The following DNAI4 variants were observed in gnomAD, a reference collection of about 807,000 sequenced individuals.
DNAI4 encodes dynein axonemal intermediate chain 4.
In DNAI4, 85 loss-of-function variants were observed where a neutral mutation model predicts 105.8. That is an observed-to-expected ratio of 0.80 (90% CI 0.67 to 0.96). The LOEUF (loss-of-function observed/expected upper bound fraction) is 0.96. Among genes scored for constraint, DNAI4 ranks in the 40% least tolerant of loss-of-function variants. The pLI, the probability that DNAI4 is intolerant of heterozygous loss-of-function variation, is 0.00. For synonymous variants in DNAI4, 352 were observed against 331.5 expected (o/e 1.06, Z -0.67); for missense variants, 1,014 against 1,005.6 (o/e 1.01, Z -0.11).
At chr1:66,918,181 G>C (rs1474525009) in intron 1 of DNAI4, among the ~76,000 whole-genome samples, 2 of 152,172 alleles carry the variant, frequency 1.3e-5, no homozygotes, top group Non-Finnish European at 2.9e-5. Flanking sequence ...GCATTGTATA[G>C]AAATAATTAG....
intron 7 of DNAI4, among the ~76,000 whole-genome samples, chr1:66,855,573 A>G (rs1646483543): frequency 6.6e-6 from 1 of 152,238 alleles, no homozygotes; most frequent in African/African-American, 2.4e-5. Flanking sequence ...ATATTTAATT[A>G]CAGGTGAAGC....
chr1:66,862,090 T>G (rs1278400300), intron 7 of DNAI4, 57 bp downstream of exon 7: 1 of 1,482,724 alleles, frequency 6.7e-7, no homozygotes, highest in Non-Finnish European at 9.0e-7. Context: ...AAAAAAGAAT[T>G]TATTAAAAAT....
intron 2 of DNAI4, among the ~76,000 whole-genome samples, chr1:66,904,207 C>T (rs1483253457): frequency 6.6e-6 from 1 of 151,892 alleles, no homozygotes; most frequent in Non-Finnish European, 1.5e-5. Context: ...TTTATATAAA[C>T]TTATGCTTTC....
At chr1:66,905,434 C>A in intron 1 of DNAI4, 59 bp from the exon 2 acceptor site, 1 of 1,187,358 alleles carries the variant, frequency 8.4e-7, no homozygotes. Context: ...AAAAATCAAC[C>A]AACAATAAAA....
chr1:66,888,695 A>G (rs567587534), intron 4 of DNAI4, among the ~76,000 whole-genome samples: 10 of 152,270 alleles, frequency 6.6e-5, no homozygotes, highest in African/African-American at 2.4e-4. Context: ...TCCGTCTAAA[A>G]AACAAAACAA....
intron 4 of DNAI4, among the ~76,000 whole-genome samples, chr1:66,880,774 A>G (rs1190640795): frequency 6.6e-6 from 1 of 152,204 alleles, no homozygotes; most frequent in African/African-American, 2.4e-5. Flanking sequence ...AAGTAATGAG[A>G]AGCCAAATAT....
chr1:66,892,950 G>GAAGAAAAGAAAGA (rs1281447849), intron 3 of DNAI4, among the ~76,000 whole-genome samples: 2 of 91,920 alleles, frequency 2.2e-5, no homozygotes, highest in African/African-American at 9.8e-5. Context: ...AGAAGAAAGA[G>GAAGAAAAGAAAGA]AAGAAAGAAA....
In DNAI4 at chr1:66,867,648, G is replaced by A. The variant is rs998961362; in HGVS notation, c.940+3722C>T. On this transcript the variant is annotated intron_variant, in intron 6 of 16. Transcript: ENST00000371026. ...TAGGAGCATTTCTGTGGAGGGACAC[G>A]TCAGAACTACCTACTCTGCCATTTT... 1.2e-4 allele frequency among the ~76,000 whole-genome samples: 18 copies of A among 152,138 alleles called. 2 individuals are homozygous for A. Among genetic ancestry groups the A allele is most frequent in the Admixed American group, 2.0e-4 (3 of 15,280 alleles).
At chr1:66,899,002 T>C (rs1445670696) in intron 2 of DNAI4, among the ~76,000 whole-genome samples, 1 of 152,206 alleles carries the variant, frequency 6.6e-6, no homozygotes, top group Non-Finnish European at 1.5e-5. Flanking sequence ...CTTTACCCAC[T>C]TTTCCATTGA....
At chr1:66,868,583 C>T (rs970864717) in intron 6 of DNAI4, among the ~76,000 whole-genome samples, 1 of 152,126 alleles carries the variant, frequency 6.6e-6, no homozygotes, top group Non-Finnish European at 1.5e-5. Context: ...ATCCCCTGCC[C>T]TCAGTGCTCC....
intron 4 of DNAI4, among the ~76,000 whole-genome samples, chr1:66,876,075 AT>A (rs1201854347): frequency 6.6e-6 from 1 of 152,008 alleles, no homozygotes; most frequent in Non-Finnish European, 1.5e-5. Flanking sequence ...TTTTTTAAAA[AT>A]ATTCTTTAAT....
chr1:66,834,790 C>A (rs1645946003), intron 11 of DNAI4, among the ~76,000 whole-genome samples: 1 of 152,066 alleles, frequency 6.6e-6, no homozygotes, highest in Non-Finnish European at 1.5e-5. Context: ...GAAATCAATT[C>A]TGAACATTTT....
intron 7 of DNAI4, among the ~76,000 whole-genome samples, chr1:66,859,180 G>A (rs148911491): frequency 1.3e-5 from 2 of 152,110 alleles, no homozygotes; most frequent in African/African-American, 4.8e-5. Context: ...CATCCACATA[G>A]ATATCTCACC....
chr1:66,900,068 ATTTTAT>A (rs1182048146), intron 2 of DNAI4, among the ~76,000 whole-genome samples: 5 of 151,778 alleles, frequency 3.3e-5, no homozygotes, highest in African/African-American at 1.2e-4. Context: ...ATTTTATTTT[ATTTTAT>A]TTTTATTTTT....
At chr1:66,866,007 G>A (rs1292309974) in intron 6 of DNAI4, among the ~76,000 whole-genome samples, 1 of 152,080 alleles carries the variant, frequency 6.6e-6, no homozygotes. Flanking sequence ...AGGAAAGCGG[G>A]AACTGGATTA....
intron 2 of DNAI4, among the ~76,000 whole-genome samples, chr1:66,899,402 G>A (rs1489831396): frequency 6.6e-6 from 1 of 152,060 alleles, no homozygotes; most frequent in African/African-American, 2.4e-5. Context: ...ATTTTCTTGA[G>A]AAATGAGCAT....
intron 13 of DNAI4, chr1:66,828,227 C>T (rs914984915): frequency 1.2e-4 from 19 of 162,326 alleles, no homozygotes; most frequent in Non-Finnish European, 1.9e-4. Flanking sequence ...TTAGAGCTAC[C>T]TGACAATGGA....
At chr1:66,883,357 A>G (rs994422120) in intron 4 of DNAI4, among the ~76,000 whole-genome samples, 2 of 151,836 alleles carry the variant, frequency 1.3e-5, no homozygotes, top group African/African-American at 4.8e-5. Flanking sequence ...GGCTCACTGA[A>G]ACCTCCACCT....
At chr1:66,817,241 C>G (rs1645536175) in intron 16 of DNAI4, among the ~76,000 whole-genome samples, 1 of 152,114 alleles carries the variant, frequency 6.6e-6, no homozygotes, top group Non-Finnish European at 1.5e-5. Context: ...GCATGTTTTT[C>G]ACACCATTAC....
Sources: gnomAD v4.1 joint callset for allele counts (sites outside exome capture counted in the v4.1 genomes callset) on GRCh38, gnomAD v4.1.1 for gene constraint, MANE v1.5 for transcripts, NCBI Gene and HGNC (gene_info 2026-07-23, HGNC 2026-07-21) for gene names.